The following DAB1 variants were observed in gnomAD, a reference collection of about 807,000 sequenced individuals.
The protein encoded by DAB1 is DAB adaptor protein 1, also known as disabled homolog 1.
DAB1 carries 15 observed loss-of-function variants against 64.6 expected under a neutral mutation model. The observed-to-expected ratio is 0.23, with a 90% CI of 0.16 to 0.36. DAB1 has a LOEUF of 0.36. Ranked by LOEUF, DAB1 falls within the 10% of genes least tolerant of loss-of-function variation. The pLI is 1.00. For synonymous variants in DAB1, 235 were observed against 251.9 expected, an observed-to-expected ratio of 0.93 and a Z score of 0.64; for missense variants, 596 against 706.7, an observed-to-expected ratio of 0.84 and a Z score of 1.78.
intron 5 of DAB1, among the ~76,000 whole-genome samples, chr1:58,014,476 C>T (rs949856862): frequency 1.6e-4 from 25 of 152,300 alleles, no homozygotes; most frequent in African/African-American, 5.8e-4. Context: ...TGGATTCATG[C>T]AGTTGGGTGG....
intron 6 of DAB1, among the ~76,000 whole-genome samples, chr1:57,713,759 A>C (rs986626016): frequency 3.3e-5 from 5 of 152,172 alleles, no homozygotes; most frequent in Non-Finnish European, 2.9e-5. Flanking sequence ...TGGATGTTGG[A>C]CTCTTGCAAA....
At chr1:57,163,571 G>A (rs1215515547) in intron 2 of DAB1, among the ~76,000 whole-genome samples, 1 of 152,066 alleles carries the variant, frequency 6.6e-6, no homozygotes, top group Non-Finnish European at 1.5e-5. Flanking sequence ...GCTGGTGGTG[G>A]GGGCGGCGGT....
chr1:57,187,523 C>A (rs933926310), intron 2 of DAB1, among the ~76,000 whole-genome samples: 2 of 152,150 alleles, frequency 1.3e-5, no homozygotes, highest in Non-Finnish European at 2.9e-5. Context: ...TACAGAACTG[C>A]CTAAAAATCT....
intron 4 of DAB1, among the ~76,000 whole-genome samples, chr1:57,128,074 A>G (rs1033210555): frequency 1.3e-5 from 2 of 151,842 alleles, no homozygotes; most frequent in Non-Finnish European, 2.9e-5. Flanking sequence ...TTGAACCCAG[A>G]AGGTGGAGGT....
chr1:57,564,223 G>A (rs567027904), intron 7 of DAB1, among the ~76,000 whole-genome samples: 5 of 152,304 alleles, frequency 3.3e-5, no homozygotes, highest in African/African-American at 9.6e-5. Flanking sequence ...GCAGCTGAGG[G>A]TCCTGACTAT....
chr1:57,192,328 GA>G (rs10714135), intron 2 of DAB1, among the ~76,000 whole-genome samples: 122,480 of 142,514 alleles, frequency 0.86, 53,264 homozygotes, highest in Non-Finnish European at 0.94. Flanking sequence ...CTCAAAAGCG[GA>G]AAAAAAAAAA....
At chr1:58,364,914 G>T (rs1474884547) in intron 3 of DAB1, among the ~76,000 whole-genome samples, 1 of 152,148 alleles carries the variant, frequency 6.6e-6, no homozygotes, top group Non-Finnish European at 1.5e-5. Flanking sequence ...CCATTCTTGA[G>T]GAGTCCAAAT....
chr1:57,463,584 C>G (rs1686859025), intron 7 of DAB1, among the ~76,000 whole-genome samples: 1 of 152,148 alleles, frequency 6.6e-6, no homozygotes, highest in Admixed American at 6.5e-5. Context: ...CCTGGGGCAA[C>G]AGAATCTTTC....
chr1:57,190,604 G>A (rs1455900416), intron 2 of DAB1, among the ~76,000 whole-genome samples: 1 of 152,118 alleles, frequency 6.6e-6, no homozygotes, highest in African/African-American at 2.4e-5. Flanking sequence ...TCAGGAAAAT[G>A]CCTATTCCCA....
At chr1:57,155,488 T>G (rs111999236) in intron 2 of DAB1, among the ~76,000 whole-genome samples, 2,893 of 149,630 alleles carry the variant, frequency 0.019, 73 homozygotes, top group East Asian at 0.15. Flanking sequence ...TTTGTTTTTG[T>G]TTTTTTTTCT....
chr1:57,817,839 G>A (rs992349886), intron 6 of DAB1, among the ~76,000 whole-genome samples: 2 of 152,062 alleles, frequency 1.3e-5, no homozygotes, highest in African/African-American at 4.8e-5. Context: ...ATTCCAAAAG[G>A]TTTCAATAGC....
chr1:57,873,873 T>C (rs1314326443), intron 1 of DAB1: 1 of 152,184 alleles, frequency 6.6e-6, no homozygotes, highest in Non-Finnish European at 1.5e-5. Context: ...TTAATACTAT[T>C]ATTGCTGGAC....
At chr1:58,254,289 TAC>T (rs1238934545) in intron 4 of DAB1, among the ~76,000 whole-genome samples, 5 of 152,194 alleles carry the variant, frequency 3.3e-5, no homozygotes, top group Non-Finnish European at 7.3e-5. Context: ...TTTGTAGAAA[TAC>T]AGTCATTTCC....
At chr1:58,185,536 T>TC (rs1657027123) in intron 4 of DAB1, among the ~76,000 whole-genome samples, 1 of 152,192 alleles carries the variant, frequency 6.6e-6, no homozygotes, top group South Asian at 2.1e-4. Flanking sequence ...TCATGCTGAT[T>TC]CCTGAAGCCT....
At chr1:57,883,358 A>G (rs1644174497) in intron 1 of DAB1, among the ~76,000 whole-genome samples, 1 of 152,204 alleles carries the variant, frequency 6.6e-6, no homozygotes, top group Non-Finnish European at 1.5e-5. Context: ...TAATTTCTTA[A>G]TTCTCCCACA....
chr1:57,414,622 T>G (rs1486648137), intron 1 of DAB1, among the ~76,000 whole-genome samples: 1 of 152,194 alleles, frequency 6.6e-6, no homozygotes, highest in Non-Finnish European at 1.5e-5. Context: ...TGAATTTATT[T>G]AATAGTAAGC....
intron 1 of DAB1, among the ~76,000 whole-genome samples, chr1:58,538,297 G>A (rs773466125): frequency 6.6e-6 from 1 of 152,112 alleles, no homozygotes; most frequent in Non-Finnish European, 1.5e-5. Flanking sequence ...AGAATAGAAA[G>A]AAAAGAAGCA....
At chr1:57,278,243 T>A (rs898130418) in intron 2 of DAB1, among the ~76,000 whole-genome samples, 1 of 152,210 alleles carries the variant, frequency 6.6e-6, no homozygotes, top group African/African-American at 2.4e-5. Flanking sequence ...CTGAGTATGC[T>A]TTCTCATCTG....
At chr1:57,590,442 C>G (rs1645431258) in intron 7 of DAB1, among the ~76,000 whole-genome samples, 5 of 152,152 alleles carry the variant, frequency 3.3e-5, no homozygotes, top group Admixed American at 3.3e-4. Context: ...GCCTCAGCCT[C>G]TCAAGTAGCT....
Sources: gnomAD v4.1 joint callset for allele counts (sites outside exome capture counted in the v4.1 genomes callset) on GRCh38, gnomAD v4.1.1 for gene constraint, MANE v1.5 for transcripts, NCBI Gene and HGNC (gene_info 2026-07-23, HGNC 2026-07-21) for gene names.